The following CLSTN2 variants were observed in gnomAD, a reference collection of about 807,000 sequenced individuals.
CLSTN2 encodes calsyntenin-2.
A neutral mutation model predicts 101.2 loss-of-function variants in CLSTN2; 48 were observed. The ratio of observed to expected loss-of-function variants is 0.47; its 90% CI spans 0.38 to 0.60. The LOEUF is 0.60. Among genes scored for constraint, CLSTN2 ranks in the 20% least tolerant of loss-of-function variants. The pLI is 0.00. For synonymous variants in CLSTN2, 481 were observed against 463.6 expected, an observed-to-expected ratio of 1.04 and a Z score of -0.48; for missense variants, 1,160 against 1,238.2, an observed-to-expected ratio of 0.94 and a Z score of 0.95.
chr3:140,315,630 C>G (rs770903441), intron 2 of CLSTN2, among the ~76,000 whole-genome samples: 3 of 152,104 alleles, frequency 2.0e-5, no homozygotes, highest in Non-Finnish European at 4.4e-5. Flanking sequence ...TGGTTTTTAA[C>G]TAGTAAAGGA....
At position 140,208,131 on chromosome 3, in the gene CLSTN2, A is replaced by G. The variant is rs116820465; in HGVS notation, c.232+32058A>G. 7.6e-3 allele frequency among the ~76,000 whole-genome samples: 1,153 copies of G among 152,208 alleles called. 13 individuals are homozygous for G. The highest frequency in any genetic ancestry group is 0.026 in the African/African-American group (1,072 of 41,542). On this transcript the variant is annotated intron_variant, in intron 2 of 16. Transcript: ENST00000458420. ...TATTTGTCTAATCCATTCATGTTTT[A>G]TCATTTTTTTCATTACTTTTTCTTC...
chr3:140,429,645 C>T (rs575439121), intron 5 of CLSTN2, among the ~76,000 whole-genome samples: 2 of 152,246 alleles, frequency 1.3e-5, no homozygotes, highest in South Asian at 4.2e-4. Flanking sequence ...CGAAGGACTC[C>T]TCGGCAAACC....
At chr3:140,118,555 C>G (rs1243242585) in intron 1 of CLSTN2, among the ~76,000 whole-genome samples, 1 of 148,692 alleles carries the variant, frequency 6.7e-6, no homozygotes, top group African/African-American at 2.5e-5. Context: ...CAAAAATGGG[C>G]ATATGTCAGT....
At chr3:140,278,436 T>A (rs1242616470) in intron 2 of CLSTN2, among the ~76,000 whole-genome samples, 1 of 152,152 alleles carries the variant, frequency 6.6e-6, no homozygotes, top group Non-Finnish European at 1.5e-5. Context: ...TCTCTCCTTT[T>A]CCCAGGCTCA....
chr3:140,184,417 G>A (rs1348561163), intron 2 of CLSTN2, among the ~76,000 whole-genome samples: 1 of 152,100 alleles, frequency 6.6e-6, no homozygotes, highest in Non-Finnish European at 1.5e-5. Context: ...GTGAGAGAGA[G>A]AGTGAAGGAG....
At chr3:140,422,918 A>G (rs1278332390) in intron 5 of CLSTN2, among the ~76,000 whole-genome samples, 1 of 152,238 alleles carries the variant, frequency 6.6e-6, no homozygotes, top group East Asian at 1.9e-4. Flanking sequence ...AAGGTATATG[A>G]GTTAAGAAGA....
chr3:139,969,813 G>A (rs1037836655), intron 1 of CLSTN2, among the ~76,000 whole-genome samples: 4 of 152,018 alleles, frequency 2.6e-5, no homozygotes, highest in East Asian at 3.9e-4. Flanking sequence ...CTCCAAATTC[G>A]GGGATCTCTC....
intron 2 of CLSTN2, among the ~76,000 whole-genome samples, chr3:140,296,703 G>A (rs2107906971): frequency 6.6e-6 from 1 of 152,340 alleles, no homozygotes; most frequent in South Asian, 2.1e-4. Flanking sequence ...TCTCTATAGA[G>A]GTTTTTAAGG....
intron 2 of CLSTN2, among the ~76,000 whole-genome samples, chr3:140,258,669 C>A (rs1487999474): frequency 1.3e-5 from 2 of 152,194 alleles, no homozygotes; most frequent in Non-Finnish European, 2.9e-5. Context: ...TTTCCCCCCT[C>A]TTTTAATGTC....
At chr3:140,153,163 C>T (rs1053199558) in intron 1 of CLSTN2, among the ~76,000 whole-genome samples, 1 of 152,168 alleles carries the variant, frequency 6.6e-6, no homozygotes, top group East Asian at 1.9e-4. Context: ...GTACATGTCC[C>T]CTGCACAGCC....
At chr3:140,029,559 T>G (rs1397234800) in intron 1 of CLSTN2, among the ~76,000 whole-genome samples, 1 of 152,162 alleles carries the variant, frequency 6.6e-6, no homozygotes, top group Non-Finnish European at 1.5e-5. Context: ...TAATGTAGCC[T>G]TCAGAGCAAT....
At chr3:140,187,398 C>G (rs1480215365) in intron 2 of CLSTN2, among the ~76,000 whole-genome samples, 1 of 152,164 alleles carries the variant, frequency 6.6e-6, no homozygotes, top group Non-Finnish European at 1.5e-5. Context: ...TCATGCTGAC[C>G]TCCCTTAATC....
chr3:140,263,887 T>C (rs2086674086), intron 2 of CLSTN2, among the ~76,000 whole-genome samples: 1 of 152,190 alleles, frequency 6.6e-6, no homozygotes, highest in Non-Finnish European at 1.5e-5. Flanking sequence ...AGGCATTTGT[T>C]ATAAGTACCA....
chr3:140,056,362 C>G (rs72981898), intron 1 of CLSTN2, among the ~76,000 whole-genome samples: 14,843 of 152,242 alleles, frequency 0.097, 799 homozygotes, highest in East Asian at 0.17. Context: ...AACCCCCACT[C>G]TGGGTTAGGT....
intron 2 of CLSTN2, among the ~76,000 whole-genome samples, chr3:140,375,626 C>G (rs1289425455): frequency 6.6e-6 from 1 of 152,176 alleles, no homozygotes; most frequent in Non-Finnish European, 1.5e-5. Flanking sequence ...TAATGGCTCT[C>G]TTTTATCTCA....
chr3:140,505,665 A>C (rs368108604), intron 8 of CLSTN2: 46 of 152,234 alleles, frequency 3.0e-4, no homozygotes, highest in African/African-American at 1.1e-3. Context: ...GATATGAGAT[A>C]TGTCAACTAA....
intron 1 of CLSTN2, 68 bp from the exon 2 acceptor site, chr3:140,175,883 A>G (rs112113867): frequency 6.8e-7 from 1 of 1,459,980 alleles, no homozygotes; most frequent in Non-Finnish European, 9.5e-7. Context: ...TACAATCTTA[A>G]TAATACATTA....
At chr3:140,246,846 G>A (rs149590114) in intron 2 of CLSTN2, among the ~76,000 whole-genome samples, 10 of 152,230 alleles carry the variant, frequency 6.6e-5, no homozygotes, top group African/African-American at 2.4e-4. Context: ...TTGCTCCTGA[G>A]AGGCAGCAGT....
Position 140,160,697 on chromosome 3 carries a change from T to C in CLSTN2, c.110-15254T>C, listed in dbSNP as rs547224319. 5.9e-5 allele frequency among the ~76,000 whole-genome samples: 9 copies of C among 152,204 alleles called. 1 individual carries two copies. The highest frequency in any genetic ancestry group is 2.2e-4 in the African/African-American group (9 of 41,552). On this transcript the variant is annotated intron_variant, in intron 1 of 16. Transcript: ENST00000458420. The stretch of plus-strand genomic sequence containing the variant: ...GTATTGGTGTATAAGAAAACCAAAA[T>C]TCTCTTGGTCAACCAAAAGTTGTTC...
Sources: gnomAD v4.1 joint callset for allele counts (sites outside exome capture counted in the v4.1 genomes callset) on GRCh38, gnomAD v4.1.1 for gene constraint, MANE v1.5 for transcripts, NCBI Gene and HGNC (gene_info 2026-07-23, HGNC 2026-07-21) for gene names.